Variants in HS6ST3 observed in about 807,000 individuals in gnomAD.
The protein encoded by HS6ST3 is heparan sulfate 6-O-sulfotransferase 3.
HS6ST3 carries 12 observed loss-of-function variants against 36.7 expected under a neutral mutation model. The observed-to-expected ratio is 0.33, with a 90% CI of 0.21 to 0.53. The LOEUF (loss-of-function observed/expected upper bound fraction) is 0.53, where lower values mean the gene tolerates loss of function less well. Ranked by LOEUF, HS6ST3 falls within the 20% of genes least tolerant of loss-of-function variation. The probability of loss-of-function intolerance (pLI) is 0.95; values close to 1 mark genes in which losing one functional copy is unlikely to be tolerated. For missense variants in HS6ST3, 584 were observed against 640.9 expected (o/e 0.91, Z 0.96); for synonymous variants, 240 against 257.5 (o/e 0.93, Z 0.65).
intron 1 of HS6ST3, among the ~76,000 whole-genome samples, chr13:96,404,930 A>G (rs1380807051): frequency 2.0e-5 from 3 of 152,154 alleles, no homozygotes; most frequent in Non-Finnish European, 4.4e-5. Context: ...TGTGCTGGTG[A>G]TAGTGAATGA....
intron 1 of HS6ST3, among the ~76,000 whole-genome samples, chr13:96,296,514 A>C (rs377577015): frequency 1.5e-4 from 23 of 152,168 alleles, no homozygotes; most frequent in African/African-American, 5.5e-4. Context: ...TGTGAACTAC[A>C]GAACAACGGT....
At chr13:96,259,321 T>C (rs2054652987) in intron 1 of HS6ST3, among the ~76,000 whole-genome samples, 3 of 152,034 alleles carry the variant, frequency 2.0e-5, no homozygotes, top group Admixed American at 2.0e-4. Flanking sequence ...CTGTGGAGGA[T>C]TTTATGCAAG....
intron 1 of HS6ST3, among the ~76,000 whole-genome samples, chr13:96,120,405 G>T (rs1038012297): frequency 7.9e-5 from 12 of 152,144 alleles, no homozygotes; most frequent in African/African-American, 2.9e-4. Context: ...CTATTTTAAG[G>T]CAAGAAAAAC....
intron 1 of HS6ST3, among the ~76,000 whole-genome samples, chr13:96,227,034 C>T (rs2054484049): frequency 6.6e-6 from 1 of 152,004 alleles, no homozygotes; most frequent in African/African-American, 2.4e-5. Flanking sequence ...AAGGATTAGT[C>T]CCTTTATCTT....
intron 1 of HS6ST3, among the ~76,000 whole-genome samples, chr13:96,274,705 T>C (rs2054738883): frequency 6.6e-6 from 1 of 152,094 alleles, no homozygotes; most frequent in South Asian, 2.1e-4. Context: ...GAACCAGAAA[T>C]GCTGCTCTCC....
intron 1 of HS6ST3, among the ~76,000 whole-genome samples, chr13:96,655,145 T>G (rs1566421883): frequency 6.6e-6 from 1 of 152,134 alleles, no homozygotes; most frequent in Non-Finnish European, 1.5e-5. Flanking sequence ...CCAATATCCG[T>G]CAAGGGAGAG....
chr13:96,599,816 T>G (rs1013741898), intron 1 of HS6ST3, among the ~76,000 whole-genome samples: 4 of 152,126 alleles, frequency 2.6e-5, no homozygotes, highest in African/African-American at 9.6e-5. Context: ...TCCCAGAGAT[T>G]TGACAACTTG....
chr13:96,516,083 A>G (rs1469222283), intron 1 of HS6ST3, among the ~76,000 whole-genome samples: 1 of 148,002 alleles, frequency 6.8e-6, no homozygotes, highest in East Asian at 2.0e-4. Context: ...TTTTTTTGAG[A>G]CACAGTCTTG....
chr13:96,436,556 C>G (rs948167200), intron 1 of HS6ST3, among the ~76,000 whole-genome samples: 7 of 152,156 alleles, frequency 4.6e-5, no homozygotes, highest in Middle Eastern at 3.2e-3. Context: ...TATTTGGAGA[C>G]AGAGTCTTTG....
chr13:96,315,337 A>G (rs1422385102), intron 1 of HS6ST3, among the ~76,000 whole-genome samples: 2 of 152,212 alleles, frequency 1.3e-5, no homozygotes, highest in Non-Finnish European at 2.9e-5. Flanking sequence ...GCCAATTATT[A>G]TTAATATTTG....
At chr13:96,593,172 T>TCC (rs2056389024) in intron 1 of HS6ST3, among the ~76,000 whole-genome samples, 2 of 111,786 alleles carry the variant, frequency 1.8e-5, no homozygotes, top group East Asian at 5.3e-4. Context: ...TTTTCTTTCT[T>TCC]TCTTTTTTTT....
At chr13:96,379,754 A>G (rs1377120031) in intron 1 of HS6ST3, among the ~76,000 whole-genome samples, 3 of 152,312 alleles carry the variant, frequency 2.0e-5, no homozygotes, top group East Asian at 3.9e-4. Context: ...TAGAATCTGC[A>G]CTTTGATAAC....
At chr13:96,734,208 A>G (rs765325204) in intron 1 of HS6ST3, among the ~76,000 whole-genome samples, 3 of 152,216 alleles carry the variant, frequency 2.0e-5, no homozygotes, top group African/African-American at 7.2e-5. Flanking sequence ...AAATTGCCTG[A>G]CACCTAGGAA....
chr13:96,225,434 G>T (rs931591611), intron 1 of HS6ST3, among the ~76,000 whole-genome samples: 5 of 152,174 alleles, frequency 3.3e-5, no homozygotes, highest in Non-Finnish European at 7.3e-5. Context: ...CCCCAAAGGG[G>T]AACATTTTTA....
chr13:96,685,863 C>G (rs1208488173), intron 1 of HS6ST3, among the ~76,000 whole-genome samples: 2 of 151,958 alleles, frequency 1.3e-5, no homozygotes, highest in Non-Finnish European at 2.9e-5. Context: ...ACTTTCATTC[C>G]CTGACAAATC....
chr13:96,283,274 G>T (rs1219874871), intron 1 of HS6ST3, among the ~76,000 whole-genome samples: 1 of 152,054 alleles, frequency 6.6e-6, no homozygotes, highest in Non-Finnish European at 1.5e-5. Context: ...AATCATTGTT[G>T]TTCTTGCTTA....
intron 1 of HS6ST3, among the ~76,000 whole-genome samples, chr13:96,502,153 T>A (rs1441459825): frequency 6.6e-6 from 1 of 152,176 alleles, no homozygotes; most frequent in East Asian, 1.9e-4. Context: ...CACTGTTCAG[T>A]TGTCTTACTG....
chr13:96,441,559 A>C (rs559167911), intron 1 of HS6ST3, among the ~76,000 whole-genome samples: 4 of 152,182 alleles, frequency 2.6e-5, no homozygotes, highest in African/African-American at 9.7e-5. Flanking sequence ...AGCTACAAAA[A>C]CATGGAAAAA....
chr13:96,743,649 T>G (rs1449841433), intron 1 of HS6ST3, among the ~76,000 whole-genome samples: 1 of 152,074 alleles, frequency 6.6e-6, no homozygotes, highest in Non-Finnish European at 1.5e-5. Context: ...TTGTGGTGTG[T>G]GAAATAAAAC....
Sources: gnomAD v4.1 joint callset for allele counts (sites outside exome capture counted in the v4.1 genomes callset) on GRCh38, gnomAD v4.1.1 for gene constraint, MANE v1.5 for transcripts, NCBI Gene and HGNC (gene_info 2026-07-23, HGNC 2026-07-21) for gene names.